Variants in DNAH17 observed in about 807,000 individuals in gnomAD.
The protein encoded by DNAH17 is axonemal beta dynein heavy chain 17.
A neutral mutation model predicts 485.6 loss-of-function variants in DNAH17; 376 were observed. The ratio of observed to expected loss-of-function variants is 0.77; its 90% CI spans 0.71 to 0.84. The LOEUF (loss-of-function observed/expected upper bound fraction) is 0.84. Ranked by LOEUF, DNAH17 falls within the 40% of genes least tolerant of loss-of-function variation. The probability of loss-of-function intolerance (pLI) is 0.00; values close to 1 mark genes in which losing one functional copy is unlikely to be tolerated. For synonymous variants in DNAH17, 3,031 were observed against 2,405.9 expected (o/e 1.26, Z -7.60); for missense variants, 6,370 against 5,839.3 (o/e 1.09, Z -2.96).
At chr17:78,572,372 T>G (rs2092371407) in intron 3 of DNAH17, among the ~76,000 whole-genome samples, 1 of 152,086 alleles carries the variant, frequency 6.6e-6, no homozygotes, top group Non-Finnish European at 1.5e-5. Flanking sequence ...GCCTCCTGTT[T>G]CCTGGCCATG....
chr17:78,502,741 C>T, intron 32 of DNAH17, 43 bp from the exon 33 acceptor site: 2 of 1,600,268 alleles, frequency 1.2e-6, no homozygotes, highest in Non-Finnish European at 1.7e-6. Context: ...TGAGCGATCG[C>T]TGGCGCCTGC....
chr17:78,508,641 G>A (rs1485241824), intron 27 of DNAH17, among the ~76,000 whole-genome samples: 3 of 152,180 alleles, frequency 2.0e-5, no homozygotes, highest in Non-Finnish European at 2.9e-5. Context: ...GTGTGGAAGA[G>A]GGGGATCTAT....
intron 71 of DNAH17, among the ~76,000 whole-genome samples, chr17:78,441,688 C>T (rs781740174): frequency 3.9e-5 from 6 of 152,264 alleles, no homozygotes; most frequent in African/African-American, 7.2e-5. Flanking sequence ...CATGGAGGAC[C>T]GAGTGATGTT....
At position 78,543,906 on chromosome 17, in the gene DNAH17, C is replaced by T. The variant is rs151028921; in HGVS notation, c.2483G>A (p.Arg828His). ...TCCAGCATCCCTGACTGCTGCGTAG[C>T]GCTTGTTGAGGTTGGCAATTCTTCC... The part of the protein sequence containing the change: ...LDGRIANLNK[R>H]YAAVRDAGVK... Residue 828 changes from arginine (R) to histidine (H), a missense_variant, in exon 17 of 81, where the codon CGC (arginine) becomes CAC (histidine). Transcript: ENST00000389840. The T allele has an allele frequency of 6.4e-5, 104 of 1,613,922 alleles. No homozygotes were observed. The highest frequency in any genetic ancestry group is 2.2e-4 in the Admixed American group (13 of 60,000).
chr17:78,448,419 G>C (rs185730489), intron 69 of DNAH17, among the ~76,000 whole-genome samples: 7 of 152,100 alleles, frequency 4.6e-5, no homozygotes, highest in Admixed American at 2.0e-4. Context: ...CCCAGCTACT[G>C]AGGCGGCTGA....
intron 77 of DNAH17, among the ~76,000 whole-genome samples, chr17:78,428,037 T>G (rs958184626): frequency 6.6e-6 from 1 of 151,460 alleles, no homozygotes; most frequent in Non-Finnish European, 1.5e-5. Context: ...AAGCGAGAAT[T>G]TGTTCAGAAC....
intron 16 of DNAH17, 91 bp from the exon 17 acceptor site, chr17:78,544,088 G>C (rs1187578867): frequency 6.4e-7 from 1 of 1,560,094 alleles, no homozygotes; most frequent in Non-Finnish European, 8.7e-7. Flanking sequence ...TGTGAGTTTC[G>C]TCACTGCTGC....
In DNAH17 at chr17:78,554,889, G is replaced by C. The variant is rs558007884; in HGVS notation, c.2179-2084C>G. Reference sequence around the variant, plus strand: ...AGCTTCCTGAGTAGCTGGAACTACAGGCGCCCACCACCAAGCCCAGGTAAT... The same window carrying C: ...AGCTTCCTGAGTAGCTGGAACTACACGCGCCCACCACCAAGCCCAGGTAAT... On this transcript the variant is annotated intron_variant, in intron 14 of 80. Coordinates refer to ENST00000389840, the MANE Select transcript of DNAH17 (RefSeq NM_173628.4). Among the ~76,000 whole-genome samples, 9 of 152,290 alleles carry C rather than the reference G, an allele frequency of 5.9e-5. No homozygotes were observed. The South Asian group carries it at 1.9e-3, about 32-fold the overall frequency.
At chr17:78,509,936 C>A (rs1256114677) in intron 27 of DNAH17, among the ~76,000 whole-genome samples, 1 of 152,218 alleles carries the variant, frequency 6.6e-6, no homozygotes, top group Non-Finnish European at 1.5e-5. Context: ...AATCCTAGCC[C>A]TTTGGGAGGC....
intron 54 of DNAH17, among the ~76,000 whole-genome samples, chr17:78,470,548 G>T (rs2088700888): frequency 6.6e-6 from 1 of 152,004 alleles, no homozygotes; most frequent in South Asian, 2.1e-4. Flanking sequence ...AATTAGCCAG[G>T]CGTGGTGGCA....
chr17:78,443,913 A>C (rs1159235654), intron 71 of DNAH17, among the ~76,000 whole-genome samples: 1 of 152,144 alleles, frequency 6.6e-6, no homozygotes, highest in East Asian at 1.9e-4. Flanking sequence ...TGGAGAAATG[A>C]AAAGGGGAGA....
chr17:78,486,669 G>A lies in DNAH17; in HGVS notation c.6819-163C>T, dbSNP rs1279326059. On this transcript the variant is annotated intron_variant, in intron 44 of 80. Transcript: ENST00000389840. The stretch of plus-strand genomic sequence containing the variant: ...GGGTCCAAACGAGGGTGCCAGAGGG[G>A]CCAGTTGCAGGCCCTGAAAGGGTCG... 4.6e-5 allele frequency among the ~76,000 whole-genome samples: 7 copies of A among 152,226 alleles called. No homozygotes were observed. The East Asian group carries it at 1.3e-3, about 29-fold the overall frequency.
chr17:78,472,804 G>T (rs1339414001), intron 54 of DNAH17: 1 of 448,584 alleles, frequency 2.2e-6, no homozygotes, highest in Admixed American at 2.4e-5. Flanking sequence ...AGCCTTTGTG[G>T]GGTCACAGAG....
Position 78,574,917 on chromosome 17 carries a change from G to T in DNAH17, c.141C>A (p.Pro47=). 1.2e-6 allele frequency: 2 copies of T among 1,613,978 alleles called. No homozygotes were observed. Among genetic ancestry groups the T allele is most frequent in the Non-Finnish European group, 1.7e-6 (2 of 1,179,870 alleles). ...VALFTEFFEK[P]DVQVLVLTLN... ...GCGTCAGCACCAGCACCTGGACGTC[G>T]GGCTTTTCAAAGAACTCTGTGAACA... The change falls in exon 2 of 81, where the codon CCC becomes CCA. Residue 47 remains proline, a synonymous_variant. Transcript: ENST00000389840.
At position 78,499,096 on chromosome 17, in the gene DNAH17, T is replaced by C. The variant is rs577837869; in HGVS notation, c.5657A>G (p.Tyr1886Cys). The change falls in exon 37 of 81, where the codon TAC becomes TGC. Residue 1886 changes from tyrosine (Y) to cysteine (C), a missense_variant. Coordinates refer to ENST00000389840, the MANE Select transcript of DNAH17 (RefSeq NM_173628.4). ...GGCTCCCGTCTGGGCCAGGCCCTTG[T>C]AGATATTTCCACAGGACTGGAAAGG... ...QMDYKSCGNIYKGLAQTGAWG... is the reference protein window; with the variant it reads ...QMDYKSCGNICKGLAQTGAWG... 1.9e-6 allele frequency: 3 copies of C among 1,601,414 alleles called. No homozygotes were observed. The highest frequency in any genetic ancestry group is 4.6e-5 in the East Asian group (2 of 43,750).
intron 2 of DNAH17, among the ~76,000 whole-genome samples, chr17:78,574,390 C>T (rs896417029): frequency 6.6e-6 from 1 of 152,028 alleles, no homozygotes; most frequent in Non-Finnish European, 1.5e-5. Flanking sequence ...GTGGTCCCAG[C>T]TACTCAGGAG....
At chr17:78,570,049 C>T (rs913699138) in intron 7 of DNAH17, among the ~76,000 whole-genome samples, 198 bp downstream of exon 7, 4 of 152,218 alleles carry the variant, frequency 2.6e-5, no homozygotes, top group African/African-American at 9.6e-5. Flanking sequence ...TTTCTTTTCC[C>T]TCAGTACCCT....
At chr17:78,491,388 C>T (rs545010899) in intron 43 of DNAH17, 55 bp downstream of exon 43, 4 of 1,587,594 alleles carry the variant, frequency 2.5e-6, no homozygotes, top group Non-Finnish European at 3.4e-6. Flanking sequence ...CCCTGTGAGC[C>T]CCCGTTGTCC....
At position 78,468,760 on chromosome 17, in the gene DNAH17, C is replaced by T; in HGVS notation, c.8635G>A (p.Gly2879Arg). 6.2e-7 allele frequency: 1 copy of T among 1,614,052 alleles called. No individual in the cohort carries two copies. Among genetic ancestry groups the T allele is most frequent in the Non-Finnish European group, 8.5e-7 (1 of 1,179,904 alleles). Residue 2879 changes from glycine to arginine, a missense_variant, in exon 55 of 81, where the codon GGA becomes AGA. Transcript: ENST00000389840. ...LVLINDLLAS[G>R]EIPGLFMEDE... ...TCCATAAACAGCCCAGGGATCTCTC[C>T]TGAGGCCAGCAGGTCATTGATCAGC...
Sources: allele counts gnomAD v4.1 joint callset (sites outside exome capture counted in the v4.1 genomes callset), GRCh38; gene constraint gnomAD v4.1.1; transcripts MANE v1.5; gene names NCBI Gene and HGNC (gene_info 2026-07-23, HGNC 2026-07-21).